The following ASAP1 variants were observed in gnomAD, a reference collection of about 807,000 sequenced individuals.
ASAP1 encodes arf-GAP with SH3 domain, ANK repeat and PH domain-containing protein 1.
In ASAP1, 43 loss-of-function variants were observed where a neutral mutation model predicts 145.2. That is an observed-to-expected ratio of 0.30 (90% confidence interval 0.23 to 0.38). ASAP1 has a LOEUF of 0.38. ASAP1 is among the 10% of genes least tolerant of loss of function. The pLI, the probability that ASAP1 is intolerant of heterozygous loss-of-function variation, is 1.00. For synonymous variants in ASAP1, 546 were observed against 515.5 expected, an observed-to-expected ratio of 1.06 and a Z score of -0.80; for missense variants, 1,018 against 1,355.3, an observed-to-expected ratio of 0.75 and a Z score of 3.91.
intron 2 of ASAP1, among the ~76,000 whole-genome samples, chr8:130,375,377 A>G (rs1341678291): frequency 6.6e-6 from 1 of 151,856 alleles, no homozygotes; most frequent in Non-Finnish European, 1.5e-5. Context: ...GTGGGGGAGC[A>G]GCAGAGGAAA....
chr8:130,063,894 G>T (rs1464026991), intron 27 of ASAP1, among the ~76,000 whole-genome samples: 1 of 152,176 alleles, frequency 6.6e-6, no homozygotes, highest in African/African-American at 2.4e-5. Flanking sequence ...CCACGAGAGG[G>T]TGACAAGTAA....
intron 3 of ASAP1, among the ~76,000 whole-genome samples, chr8:130,337,059 C>T (rs772105418): frequency 1.5e-4 from 23 of 152,128 alleles, no homozygotes; most frequent in Non-Finnish European, 2.2e-4. Flanking sequence ...TAGGGACAAT[C>T]ACAAATAGCT....
chr8:130,344,222 T>C (rs1402670163), intron 3 of ASAP1, among the ~76,000 whole-genome samples: 1 of 152,162 alleles, frequency 6.6e-6, no homozygotes, highest in Non-Finnish European at 1.5e-5. Flanking sequence ...AAATTTGAAA[T>C]ATGTCCATGA....
At chr8:130,195,529 TA>T (rs561980681) in intron 5 of ASAP1, among the ~76,000 whole-genome samples, 5 of 150,290 alleles carry the variant, frequency 3.3e-5, no homozygotes, top group Admixed American at 6.6e-5. Context: ...CCCTGTCTCT[TA>T]AAAAAAAAAT....
At chr8:130,124,855 C>T (rs940367003) in intron 17 of ASAP1, among the ~76,000 whole-genome samples, 1 of 152,154 alleles carries the variant, frequency 6.6e-6, no homozygotes, top group Non-Finnish European at 1.5e-5. Context: ...TGAGGGACAT[C>T]ATTTCTGCAC....
Position 130,053,664 on chromosome 8 carries a change from T to C in ASAP1, c.*1067A>G, listed in dbSNP as rs948088564. On this transcript the variant is annotated 3_prime_UTR_variant, in exon 30 of 30. Transcript: ENST00000518721. ...GGTTGACTTTTAAATTCATCTTGAA[T>C]AATCTTTTAAAAGTTTAAATTTGTC... The C allele has an allele frequency of 6.6e-6, 1 of 152,244 alleles. No individual in the cohort carries two copies. The allele number at this position is 152,244 out of a possible 1,614,324, so 9.4% of individuals were successfully genotyped here.
At chr8:130,077,038 T>C (rs2097463994) in intron 26 of ASAP1, among the ~76,000 whole-genome samples, 1 of 152,214 alleles carries the variant, frequency 6.6e-6, no homozygotes, top group South Asian at 2.1e-4. Context: ...AGCAGCTCTG[T>C]GTTTCCAGAC....
chr8:130,256,739 T>TATA (rs1565142439), intron 3 of ASAP1, among the ~76,000 whole-genome samples: 2,176 of 95,658 alleles, frequency 0.023, 198 homozygotes, highest in Non-Finnish European at 0.029. Context: ...ATACACATTC[T>TATA]TATATATATA....
intron 1 of ASAP1, among the ~76,000 whole-genome samples, chr8:130,403,738 G>A (rs966004153): frequency 6.6e-6 from 1 of 151,884 alleles, no homozygotes; most frequent in African/African-American, 2.4e-5. Flanking sequence ...ATTTTTAGTA[G>A]AGACAGGGTT....
chr8:130,226,072 C>A (rs916953918), intron 4 of ASAP1, among the ~76,000 whole-genome samples: 1 of 150,946 alleles, frequency 6.6e-6, no homozygotes, highest in African/African-American at 2.4e-5. Flanking sequence ...GAGATGGGGC[C>A]CTACTATGCT....
At chr8:130,198,255 G>T (rs1397752016) in intron 5 of ASAP1, among the ~76,000 whole-genome samples, 1 of 151,652 alleles carries the variant, frequency 6.6e-6, no homozygotes, top group Non-Finnish European at 1.5e-5. Flanking sequence ...CTCCTGAGTA[G>T]CTGGGACTAC....
intron 14 of ASAP1, among the ~76,000 whole-genome samples, chr8:130,134,729 G>GA (rs1462655267): frequency 6.6e-6 from 1 of 152,220 alleles, no homozygotes; most frequent in Non-Finnish European, 1.5e-5. Flanking sequence ...GAGGAGAGGG[G>GA]AAGGTCCTAT....
chr8:130,160,290 C>G (rs749466504), intron 11 of ASAP1, among the ~76,000 whole-genome samples: 5 of 152,168 alleles, frequency 3.3e-5, no homozygotes, highest in Non-Finnish European at 7.3e-5. Flanking sequence ...ACACTAGCGG[C>G]AGAGGCAAAC....
At chr8:130,211,027 T>C (rs1816546948) in intron 5 of ASAP1, among the ~76,000 whole-genome samples, 1 of 152,188 alleles carries the variant, frequency 6.6e-6, no homozygotes, top group Non-Finnish European at 1.5e-5. Context: ...GTTAAGTGAA[T>C]TGCCAAAGGC....
At chr8:130,224,793 T>C (rs1817497250) in intron 4 of ASAP1, among the ~76,000 whole-genome samples, 2 of 152,210 alleles carry the variant, frequency 1.3e-5, no homozygotes, top group Non-Finnish European at 2.9e-5. Flanking sequence ...TAAATACTCT[T>C]ATACACAAGC....
chr8:130,280,304 C>T (rs1219729886), intron 3 of ASAP1, among the ~76,000 whole-genome samples: 1 of 152,176 alleles, frequency 6.6e-6, no homozygotes, highest in African/African-American at 2.4e-5. Context: ...TGACCTCTGG[C>T]CTAGAATACA....
intron 14 of ASAP1, among the ~76,000 whole-genome samples, chr8:130,135,957 T>G (rs1050344842): frequency 6.6e-6 from 1 of 152,208 alleles, no homozygotes; most frequent in African/African-American, 2.4e-5. Flanking sequence ...GTCAGGACTA[T>G]TCACACAACT....
chr8:130,196,729 A>C (rs1815517945), intron 5 of ASAP1, among the ~76,000 whole-genome samples: 1 of 152,202 alleles, frequency 6.6e-6, no homozygotes, highest in Admixed American at 6.5e-5. Flanking sequence ...AGTTTCTCTG[A>C]AAGTAAGGCT....
intron 3 of ASAP1, among the ~76,000 whole-genome samples, chr8:130,268,525 ACACACACAC>A (rs1820400121): frequency 1.4e-5 from 2 of 148,072 alleles, no homozygotes; most frequent in African/African-American, 5.0e-5. Flanking sequence ...ACACACACAC[ACACACACAC>A]AACTGTGTAA....
Sources: gnomAD v4.1 joint callset for allele counts (sites outside exome capture counted in the v4.1 genomes callset) on GRCh38, gnomAD v4.1.1 for gene constraint, MANE v1.5 for transcripts, NCBI Gene and HGNC (gene_info 2026-07-23, HGNC 2026-07-21) for gene names.